Variants in ERN2 observed in about 807,000 individuals in gnomAD.
ERN2 encodes the protein endoplasmic reticulum to nucleus signaling 2.
Under a neutral mutation model 107.9 loss-of-function variants are expected in ERN2, and 111 were observed. That is an observed-to-expected ratio of 1.03 (90% CI 0.88 to 1.20). The LOEUF (loss-of-function observed/expected upper bound fraction) is 1.20, where lower values mean the gene tolerates loss of function less well. Among genes scored for constraint, ERN2 ranks in the 50% most tolerant of loss-of-function variants. The pLI is 0.00. For synonymous variants in ERN2, 524 were observed against 501.7 expected, an observed-to-expected ratio of 1.04 and a Z score of -0.59; for missense variants, 1,225 against 1,197.9, an observed-to-expected ratio of 1.02 and a Z score of -0.33.
At position 23,701,054 on chromosome 16, in the gene ERN2, G is replaced by T. The variant is rs1567248745; in HGVS notation, c.1264C>A (p.Pro422Thr). 1 of 1,614,200 alleles carries T rather than the reference G, an allele frequency of 6.2e-7. No homozygotes were observed. The highest frequency in any genetic ancestry group is 1.1e-5 in the South Asian group (1 of 91,084). ...GGTCCCAGCCCCAAGTAAGAGTCTG[G>T]AGTTTTTTCTTCTGGATGCAGCTCG... ...DSELHPEEKT[P>T]DSYLGLGPQD... Residue 422 changes from proline (P) to threonine (T), a missense_variant, in exon 12 of 22, where the codon CCA becomes ACA. Coordinates refer to ENST00000256797, the MANE Select transcript of ERN2 (RefSeq NM_033266.4).
chr16:23,701,048 A>T lies in ERN2; in HGVS notation c.1270T>A (p.Ser424Thr). 1 of 1,614,112 alleles carries T rather than the reference A, an allele frequency of 6.2e-7. No individual in the cohort carries two copies. Among genetic ancestry groups the T allele is most frequent in the Non-Finnish European group, 8.5e-7 (1 of 1,179,984 alleles). ...ELHPEEKTPD[S>T]YLGLGPQDLL... ...TCTTGGGGTCCCAGCCCCAAGTAAG[A>T]GTCTGGAGTTTTTTCTTCTGGATGC... The change falls in exon 12 of 22, where the codon TCT becomes ACT. Residue 424 changes from serine (S) to threonine (T), a missense_variant. By Grantham distance (58) the Ser-to-Thr change is moderately conservative (BLOSUM62 1). Coordinates refer to ENST00000256797, the MANE Select transcript of ERN2 (RefSeq NM_033266.4).
intron 19 of ERN2, 65 bp downstream of exon 19, chr16:23,691,898 A>G (rs1343281597): frequency 6.4e-7 from 1 of 1,566,332 alleles, no homozygotes; most frequent in African/African-American, 1.4e-5. Flanking sequence ...CTAATATCCC[A>G]TTTCTTATTG....
At position 23,700,948 on chromosome 16, in the gene ERN2, G is replaced by A. The variant is rs536255316; in HGVS notation, c.1359+11C>T. On this transcript the variant is annotated intron_variant, in intron 12 of 21. Coordinates refer to ENST00000256797, the MANE Select transcript of ERN2 (RefSeq NM_033266.4). Reference sequence around the variant, plus strand: ...CCCCAGATAGACCTGAGGTCAGGGCGGTGGGCCTACCTGCCTCATCACAAA... The same window carrying A: ...CCCCAGATAGACCTGAGGTCAGGGCAGTGGGCCTACCTGCCTCATCACAAA... 7.4e-6 allele frequency: 12 copies of A among 1,612,808 alleles called. No individual in the cohort carries two copies. The highest frequency in any genetic ancestry group is 1.3e-5 in the African/African-American group (1 of 75,024).
intron 4 of ERN2, among the ~76,000 whole-genome samples, chr16:23,707,562 A>T (rs1960369681): frequency 6.6e-6 from 1 of 152,152 alleles, no homozygotes; most frequent in African/African-American, 2.4e-5. Flanking sequence ...GAAAAAAAAA[A>T]AAATTTGCTG....
chr16:23,707,066 G>A lies in ERN2; in HGVS notation c.320C>T (p.Thr107Ile), dbSNP rs141088910. ...AGAGGCATGAACCAGCTCAGGGATG[G>A]TGAATGGCAGTTTCTAGGAGACGGA... is the stretch of plus-strand genomic sequence containing the variant. ...KQQGLMKLPF[T>I]IPELVHASPC... The change falls in exon 5 of 22, where the codon ACC (threonine) becomes ATC (isoleucine). Residue 107 changes from threonine to isoleucine, a missense_variant. Coordinates refer to ENST00000256797, the MANE Select transcript of ERN2 (RefSeq NM_033266.4). 9 of 1,613,798 alleles carry A rather than the reference G, an allele frequency of 5.6e-6. No homozygotes were observed. In the African/African-American group the frequency reaches 1.2e-4, roughly 22 times the overall value.
chr16:23,710,151 C>G, intron 4 of ERN2, 21 bp downstream of exon 4: 1 of 1,589,528 alleles, frequency 6.3e-7, no homozygotes, highest in Non-Finnish European at 8.6e-7. Context: ...CACCCATTCC[C>G]GAACACCATG....
Position 23,690,751 on chromosome 16 carries a change from A to ATCCTG in ERN2, c.*79_*80insCAGGA, listed in dbSNP as rs1959549719. Reference sequence around the variant, plus strand: ...ATTACAGGTGTGAGCCACTGCACCCAGCCTGATTCTGAGGCCAGCCACAGG... The same window carrying ATCCTG: ...ATTACAGGTGTGAGCCACTGCACCCATCCTGGCCTGATTCTGAGGCCAGCCACAGG... On this transcript the variant is annotated 3_prime_UTR_variant, in exon 22 of 22. Coordinates refer to ENST00000256797, the MANE Select transcript of ERN2 (RefSeq NM_033266.4). 1.3e-6 allele frequency: 1 copy of ATCCTG among 799,794 alleles called. No homozygotes were observed. Among genetic ancestry groups the ATCCTG allele is most frequent in the Non-Finnish European group, 1.7e-6 (1 of 571,486 alleles). The allele number at this position is 799,794 out of a possible 1,614,324, so 49.5% of individuals were successfully genotyped here. A position where few individuals can be genotyped will look rare whatever the true frequency, so the allele number is the denominator to read the frequency against.
chr16:23,713,056 C>A, intron 1 of ERN2, 39 bp downstream of exon 1: 4 of 1,445,600 alleles, frequency 2.8e-6, no homozygotes, highest in Non-Finnish European at 3.7e-6. Flanking sequence ...CGCCCCGCGA[C>A]CAGACTTTGG....
At chr16:23,706,279 C>CT (rs1960302549) in intron 7 of ERN2, 51 bp downstream of exon 7, 12 of 1,311,290 alleles carry the variant, frequency 9.2e-6, no homozygotes, top group Non-Finnish European at 1.2e-5. Flanking sequence ...TCAGGGTTCC[C>CT]TGGGTTGGGG....
rs369781422 is a variant in ERN2, at chr16:23,692,416, C to T, written c.2101-85G>A. On this transcript the variant is annotated intron_variant, in intron 17 of 21. Transcript: ENST00000256797. ...TAAATTCTCCCATGGGCTGATAGAG[C>T]TGCCAGGGGTTTGGCTCAGACTGGA... 2.8e-5 allele frequency: 42 copies of T among 1,473,872 alleles called. No homozygotes were observed. In the African/African-American group the frequency reaches 3.5e-4, roughly 12 times the overall value. The allele number at this position is 1,473,872 out of a possible 1,614,324, so 91.3% of individuals were successfully genotyped here.
chr16:23,704,691 G>A (rs1483339474), intron 8 of ERN2, among the ~76,000 whole-genome samples, 192 bp downstream of exon 8: 4 of 152,128 alleles, frequency 2.6e-5, no homozygotes, highest in Admixed American at 6.5e-5. Flanking sequence ...AGGGGGTCCC[G>A]GGGACACTTG....
intron 7 of ERN2, 194 bp downstream of exon 7, chr16:23,706,136 G>T (rs1235597186): frequency 2.8e-5 from 15 of 541,982 alleles, no homozygotes; most frequent in Non-Finnish European, 3.2e-6. Flanking sequence ...ATTGGCCAGG[G>T]TTCAGGAGGG....
At chr16:23,706,223 G>T in intron 7 of ERN2, 107 bp downstream of exon 7, 1 of 736,246 alleles carries the variant, frequency 1.4e-6, no homozygotes, top group Non-Finnish European at 2.2e-6. Context: ...TCCCTGGGGA[G>T]GTCAAGTGGG....
In ERN2 at chr16:23,706,996, G is replaced by A. The variant is rs1278501362; in HGVS notation, c.379+11C>T. 6.2e-7 allele frequency: 1 copy of A among 1,612,314 alleles called. No individual in the cohort carries two copies. The highest frequency in any genetic ancestry group is 1.1e-5 in the South Asian group (1 of 91,054). On this transcript the variant is annotated intron_variant, in intron 5 of 21. Transcript: ENST00000256797. ...CTGAACCTGGACCCCACAGGCTGAAGAGATGCTCACCTGTGTAGAAGACCC... is the reference window on the plus strand; with the variant it reads ...CTGAACCTGGACCCCACAGGCTGAAAAGATGCTCACCTGTGTAGAAGACCC...
chr16:23,706,538 A>C, intron 6 of ERN2, 107 bp from the exon 7 acceptor site: 2 of 869,856 alleles, frequency 2.3e-6, no homozygotes. Context: ...CACACAGCCT[A>C]GAGACCTGGA....
intron 7 of ERN2, among the ~76,000 whole-genome samples, chr16:23,705,800 GC>G: frequency 6.6e-6 from 1 of 152,178 alleles, no homozygotes; most frequent in East Asian, 1.9e-4. Flanking sequence ...TGCAGTCCCA[GC>G]TATTCAGGAG....
intron 4 of ERN2, among the ~76,000 whole-genome samples, chr16:23,708,835 A>G (rs1465729520): frequency 6.6e-6 from 1 of 152,092 alleles, no homozygotes; most frequent in East Asian, 1.9e-4. Flanking sequence ...AAGCTACTAC[A>G]TTTCTTGTAC....
Position 23,694,641 on chromosome 16 carries a change from G to GTC in ERN2, c.2100+85_2100+86dup, listed in dbSNP as rs1262739664. On this transcript the variant is annotated intron_variant, in intron 17 of 21. Transcript: ENST00000256797. ...AAAGTCACACAGCAAGTGTCATGGA[G>GTC]TCTCCTCAGGAGGGGAACTGGGACA... 3 of 1,113,782 alleles carry GTC rather than the reference G, an allele frequency of 2.7e-6. No homozygotes were observed. In the East Asian group the frequency reaches 7.7e-5, roughly 29 times the overall value. 69.0% of individuals were successfully genotyped at this position (1,113,782 alleles called of 1,614,324 possible). A position where few individuals can be genotyped will look rare whatever the true frequency, so the allele number is the denominator to read the frequency against.
chr16:23,710,096 G>T, intron 4 of ERN2, 76 bp downstream of exon 4: 1 of 974,570 alleles, frequency 1.0e-6, no homozygotes, highest in Non-Finnish European at 1.7e-6. Flanking sequence ...TGACCATACT[G>T]CCTCTCCACC....
Sources: allele counts gnomAD v4.1 joint callset (sites outside exome capture counted in the v4.1 genomes callset), GRCh38; gene constraint gnomAD v4.1.1; transcripts MANE v1.5; gene names NCBI Gene and HGNC (gene_info 2026-07-23, HGNC 2026-07-21).